NAALADL2: variants seen among roughly 807,000 people sequenced by gnomAD.
NAALADL2 encodes inactive N-acetylated-alpha-linked acidic dipeptidase-like protein 2.
Under a neutral mutation model 87.2 loss-of-function variants are expected in NAALADL2, and 76 were observed. The observed-to-expected ratio is 0.87, with a 90% confidence interval of 0.72 to 1.05. NAALADL2 has a LOEUF of 1.05. Ranked by LOEUF, NAALADL2 falls within the 50% of genes least tolerant of loss-of-function variation. NAALADL2 has a pLI of 0.00. For missense variants in NAALADL2, 1,089 were observed against 945.8 expected (o/e 1.15, Z -1.99); for synonymous variants, 354 against 331.0 (o/e 1.07, Z -0.75).
intron 11 of NAALADL2, among the ~76,000 whole-genome samples, chr3:175,734,904 C>T (rs748216924): frequency 7.2e-5 from 11 of 152,212 alleles, no homozygotes; most frequent in Non-Finnish European, 8.8e-5. Context: ...GCATTTGGCT[C>T]CTTTTTTACT....
intron 13 of NAALADL2, among the ~76,000 whole-genome samples, chr3:175,782,699 CTTTAG>C (rs1187304777): frequency 1.5e-5 from 2 of 132,262 alleles, no homozygotes; most frequent in East Asian, 2.2e-4. Flanking sequence ...TGCAGAAGCT[CTTTAG>C]TTTAATTAGA....
chr3:175,008,859 G>T (rs1749406241), intron 1 of NAALADL2, among the ~76,000 whole-genome samples: 1 of 150,592 alleles, frequency 6.6e-6, no homozygotes, highest in Non-Finnish European at 1.5e-5. Flanking sequence ...CATACAGTGA[G>T]CAAACCGAGT....
At chr3:174,945,738 C>T (rs2108489779) in intron 1 of NAALADL2, among the ~76,000 whole-genome samples, 1 of 152,162 alleles carries the variant, frequency 6.6e-6, no homozygotes, top group African/African-American at 2.4e-5. Flanking sequence ...TGAAGACTCC[C>T]TTTTACTCTC....
In NAALADL2 at chr3:175,273,312, AC is replaced by A. The variant is rs1471892328; in HGVS notation, c.939+16784del. Among the ~76,000 whole-genome samples, 4 of 152,258 alleles carry A rather than the reference AC, an allele frequency of 2.6e-5. No homozygotes were observed. In the East Asian group the frequency reaches 7.7e-4, roughly 29 times the overall value. ...ATATGCCTACAGACATGACAAATTG[AC>A]CTTCCTTATTCACCAGATATTAATT... On this transcript the variant is annotated intron_variant, in intron 4 of 13. Coordinates refer to ENST00000454872, the MANE Select transcript of NAALADL2 (RefSeq NM_207015.3).
At chr3:174,882,781 A>ACACGTG (rs1491289461) in intron 1 of NAALADL2, among the ~76,000 whole-genome samples, 42 of 107,870 alleles carry the variant, frequency 3.9e-4, no homozygotes, top group African/African-American at 1.6e-3. Flanking sequence ...GTATATATAC[A>ACACGTG]TATGTGTATA....
At chr3:175,424,201 T>C (rs1402609800) in intron 5 of NAALADL2, among the ~76,000 whole-genome samples, 1 of 152,216 alleles carries the variant, frequency 6.6e-6, no homozygotes, top group Admixed American at 6.5e-5. Context: ...TGTCCCATTC[T>C]GTAGGTTGCC....
intron 9 of NAALADL2, among the ~76,000 whole-genome samples, chr3:175,526,903 A>C (rs1156994871): frequency 6.6e-6 from 1 of 152,156 alleles, no homozygotes; most frequent in Non-Finnish European, 1.5e-5. Flanking sequence ...CTTTTTTATT[A>C]GCATAAAAAA....
intron 4 of NAALADL2, among the ~76,000 whole-genome samples, chr3:175,305,126 GT>G (rs1477112048): frequency 6.6e-6 from 1 of 151,944 alleles, no homozygotes; most frequent in Non-Finnish European, 1.5e-5. Flanking sequence ...AATTGGATAT[GT>G]TAAATAGATA....
At position 175,171,263 on chromosome 3, in the gene NAALADL2, A is replaced by G. The variant is rs571023723; in HGVS notation, c.546-62668A>G. 2.4e-4 allele frequency among the ~76,000 whole-genome samples: 37 copies of G among 152,182 alleles called. No homozygotes were observed. In the South Asian group the frequency reaches 6.8e-3, roughly 28 times the overall value. On this transcript the variant is annotated intron_variant, in intron 2 of 13. Transcript: ENST00000454872. Reference sequence around the variant, plus strand: ...AGCAGTGTATACTGGACACTGAAAGACTAGGCAAGTTTGAGACTGCAGGGT... The same window carrying G: ...AGCAGTGTATACTGGACACTGAAAGGCTAGGCAAGTTTGAGACTGCAGGGT...
intron 1 of NAALADL2, among the ~76,000 whole-genome samples, chr3:175,025,086 G>C (rs1382267343): frequency 6.6e-6 from 1 of 151,878 alleles, no homozygotes; most frequent in Non-Finnish European, 1.5e-5. Context: ...TTTTCGCTTT[G>C]GTAGTAATGA....
At chr3:174,750,865 C>T (rs1734754880) in intron 3 of NAALADL2, among the ~76,000 whole-genome samples, 1 of 152,190 alleles carries the variant, frequency 6.6e-6, no homozygotes, top group Admixed American at 6.5e-5. Context: ...TCTCATACAG[C>T]TGCAGTCATT....
chr3:175,683,779 T>G (rs2149890611), intron 11 of NAALADL2, among the ~76,000 whole-genome samples: 1 of 152,144 alleles, frequency 6.6e-6, no homozygotes, highest in East Asian at 1.9e-4. Flanking sequence ...TAAAAATATA[T>G]AAGGTGGTAG....
intron 2 of NAALADL2, among the ~76,000 whole-genome samples, chr3:174,729,116 G>C (rs1456476345): frequency 1.3e-5 from 2 of 151,830 alleles, no homozygotes; most frequent in African/African-American, 2.4e-5. Flanking sequence ...TTAGTAAATG[G>C]GCCACGTTCT....
At chr3:175,018,078 G>A (rs556980608) in intron 1 of NAALADL2, among the ~76,000 whole-genome samples, 33 of 152,070 alleles carry the variant, frequency 2.2e-4, no homozygotes, top group African/African-American at 7.2e-4. Flanking sequence ...AGGTCTCCAT[G>A]TTTATATTCA....
chr3:175,428,336 T>C (rs1717172899), intron 5 of NAALADL2, among the ~76,000 whole-genome samples: 1 of 152,132 alleles, frequency 6.6e-6, no homozygotes, highest in South Asian at 2.1e-4. Context: ...AATGAAGGAA[T>C]TGTTTACTGA....
chr3:175,668,146 A>C (rs1165397834), intron 11 of NAALADL2, among the ~76,000 whole-genome samples: 2 of 152,152 alleles, frequency 1.3e-5, no homozygotes, highest in African/African-American at 2.4e-5. Context: ...TTATTATTCT[A>C]ATAATTACTC....
intron 11 of NAALADL2, among the ~76,000 whole-genome samples, chr3:175,665,242 G>A (rs1254042801): frequency 6.6e-6 from 1 of 152,120 alleles, no homozygotes; most frequent in East Asian, 1.9e-4. Flanking sequence ...CAGTTACAAG[G>A]CTGTATTTTA....
chr3:175,655,365 G>T, intron 11 of NAALADL2: 1 of 216,274 alleles, frequency 4.6e-6, no homozygotes, highest in Non-Finnish European at 9.7e-6. Flanking sequence ...GTAGTTCATA[G>T]GCAAGTTTTT....
chr3:174,545,954 C>A (rs933008736), intron 1 of NAALADL2, among the ~76,000 whole-genome samples: 2 of 150,950 alleles, frequency 1.3e-5, no homozygotes, highest in Admixed American at 6.6e-5. Context: ...AAATCTTACT[C>A]TCTGCATTGT....
Sources: gnomAD v4.1 joint callset for allele counts (sites outside exome capture counted in the v4.1 genomes callset) on GRCh38, gnomAD v4.1.1 for gene constraint, MANE v1.5 for transcripts, NCBI Gene and HGNC (gene_info 2026-07-23, HGNC 2026-07-21) for gene names.